PCDH1: variants seen among roughly 807,000 people sequenced by gnomAD.
PCDH1 encodes the protein protocadherin-1.
Under a neutral mutation model 74.6 loss-of-function variants are expected in PCDH1, and 23 were observed. The ratio of observed to expected loss-of-function variants is 0.31; its 90% confidence interval spans 0.22 to 0.44. The LOEUF (loss-of-function observed/expected upper bound fraction) is 0.44. Ranked by LOEUF, PCDH1 falls within the 20% of genes least tolerant of loss-of-function variation. The probability of loss-of-function intolerance (pLI) is 1.00; values close to 1 mark genes in which losing one functional copy is unlikely to be tolerated. For synonymous variants in PCDH1, 647 were observed against 686.1 expected (o/e 0.94, Z 0.89); for missense variants, 1,214 against 1,641.4 (o/e 0.74, Z 4.50).
At chr5:141,860,308 T>A (rs1356829062) in intron 3 of PCDH1, among the ~76,000 whole-genome samples, 1 of 149,608 alleles carries the variant, frequency 6.7e-6, no homozygotes, top group Non-Finnish European at 1.5e-5. Context: ...AGCCCAGGAG[T>A]TGAGACCAGC....
chr5:141,869,101 T>C lies in PCDH1; in HGVS notation c.371A>G (p.Gln124Arg). 2 of 1,613,542 alleles carry C rather than the reference T, an allele frequency of 1.2e-6. No homozygotes were observed. The highest frequency in any genetic ancestry group is 2.7e-5 in the African/African-American group (2 of 74,768). ...SIDREGLREC[Q>R]NQLPGDPCIL... is the part of the protein sequence containing the mutation. ...GCAGGGATCACCAGGGAGCTGGTTC[T>C]GGCATTCACGGAGCCCCTCACGGTC... Residue 124 changes from glutamine to arginine, a missense_variant, in exon 2 of 5, where the codon CAG becomes CGG. By Grantham distance (43) the Gln-to-Arg change is conservative. Transcript: ENST00000287008. The surrounding 1 kb of genome is among the most constrained non-coding windows in gnomAD (Gnocchi z 4.9).
In PCDH1 at chr5:141,873,603, T is replaced by C. The variant is rs373860089; in HGVS notation, c.41-4172A>G. On this transcript the variant is annotated intron_variant, in intron 1 of 4. Coordinates refer to ENST00000287008, the MANE Select transcript of PCDH1 (RefSeq NM_032420.5). ...CTGGGACTACAGGCGCCCGCCACCA[T>C]GCCCAGCTAATTTTTTTTTTTTTTT... Among the ~76,000 whole-genome samples the C allele has an allele frequency of 9.1e-3, 1,337 of 147,372 alleles. 27 individuals are homozygous for C. Among genetic ancestry groups the C allele is most frequent in the African/African-American group, 0.032 (1,277 of 39,708 alleles).
chr5:141,864,984 G>A lies in PCDH1; in HGVS notation c.1347C>T (p.Gly449=). 1 of 1,614,086 alleles carries A rather than the reference G, an allele frequency of 6.2e-7. No homozygotes were observed. Among genetic ancestry groups the A allele is most frequent in the Non-Finnish European group, 8.5e-7 (1 of 1,180,026 alleles). The change falls in exon 3 of 5, where the codon GGC becomes GGT. Residue 449 remains glycine (G), a synonymous_variant. Coordinates refer to ENST00000287008, the MANE Select transcript of PCDH1 (RefSeq NM_032420.5). This position sits in a 1 kb window ranked among gnomAD's most constrained non-coding sequence, Gnocchi z 5.9. ...GGAAATACTTCTTCTTGCTGTCACT[G>A]CCTGTCTCACTGGCCTGGCGCAGCT... ...PFQLRQASET[G]SDSKKKYFLQ...
rs139394964 is a variant in PCDH1, at chr5:141,874,944, C to A, written c.40+3279G>T. ...AGCTCCTCTCCCCTCTCTCCCACAA[C>A]CCTCTATTAGCCTCTGCAGGGCTTC... On this transcript the variant is annotated intron_variant, in intron 1 of 4. Coordinates refer to ENST00000287008, the MANE Select transcript of PCDH1 (RefSeq NM_032420.5). Among the ~76,000 whole-genome samples, 338 of 152,228 alleles carry A rather than the reference C, an allele frequency of 2.2e-3. 3 individuals are homozygous for A. Among genetic ancestry groups the A allele is most frequent in the African/African-American group, 7.7e-3 (318 of 41,532 alleles).
rs1752213190 is a variant in PCDH1 at position 141,853,877 on chromosome 5, C to A, written c.*165G>T. 3.8e-6 allele frequency: 2 copies of A among 530,924 alleles called. No individual in the cohort carries two copies. Among genetic ancestry groups the A allele is most frequent in the East Asian group, 6.1e-5 (2 of 33,044 alleles). The allele number at this position is 530,924 out of a possible 1,614,324, so 32.9% of individuals were successfully genotyped here. ...GGAAATGAGGGGAGAGGACCTGGACCCTGCATGGGAGAAGGGCCAGCGTGG... is the reference window on the plus strand; with the variant it reads ...GGAAATGAGGGGAGAGGACCTGGACACTGCATGGGAGAAGGGCCAGCGTGG... On this transcript the variant is annotated 3_prime_UTR_variant, in exon 5 of 5. Coordinates refer to ENST00000287008, the MANE Select transcript of PCDH1 (RefSeq NM_032420.5).
At chr5:141,862,472 G>C (rs1238428671) in intron 3 of PCDH1, among the ~76,000 whole-genome samples, 1 of 152,094 alleles carries the variant, frequency 6.6e-6, no homozygotes, top group Non-Finnish European at 1.5e-5. Context: ...CGTGGATAGG[G>C]ACATGGGGGT....
intron 3 of PCDH1, among the ~76,000 whole-genome samples, chr5:141,857,713 G>A (rs371967507): frequency 1.4e-4 from 22 of 152,148 alleles, no homozygotes; most frequent in African/African-American, 5.1e-4. Flanking sequence ...CCAATACAGC[G>A]CAGGCCCCAG....
At chr5:141,856,949 G>A (rs1752372099) in intron 4 of PCDH1, among the ~76,000 whole-genome samples, 1 of 152,122 alleles carries the variant, frequency 6.6e-6, no homozygotes. Context: ...AACAGCTTTG[G>A]AGTCAGAGAA....
chr5:141,865,755 A>G lies in PCDH1; in HGVS notation c.904-328T>C, dbSNP rs1375469553. Among the ~76,000 whole-genome samples the G allele has an allele frequency of 6.6e-6, 1 of 152,236 alleles. No homozygotes were observed. The highest frequency in any genetic ancestry group is 2.4e-5 in the African/African-American group (1 of 41,470). ...GGGTCCACAAAAATACCAGGAGAGG[A>G]TGAGGATCCAATAGAACTAGGGAAG... On this transcript the variant is annotated intron_variant, in intron 2 of 4. Transcript: ENST00000287008. This position sits in a 1 kb window ranked among gnomAD's most constrained non-coding sequence, Gnocchi z 4.4.
intron 3 of PCDH1, among the ~76,000 whole-genome samples, chr5:141,862,385 C>G (rs1454307035): frequency 1.3e-5 from 2 of 152,068 alleles, no homozygotes. Context: ...AGGAAGAAAG[C>G]CCTATAGACA....
intron 4 of PCDH1, among the ~76,000 whole-genome samples, chr5:141,855,482 C>T (rs893288008): frequency 2.6e-5 from 4 of 152,140 alleles, no homozygotes; most frequent in Admixed American, 2.0e-4. Flanking sequence ...AACTCTCTCT[C>T]TCTCTCCCTC....
chr5:141,876,007 T>C (rs1219356580), intron 1 of PCDH1, among the ~76,000 whole-genome samples: 4 of 152,128 alleles, frequency 2.6e-5, no homozygotes, highest in South Asian at 2.1e-4. Flanking sequence ...CCTCGCGGCG[T>C]CTTCCTGCAC....
intron 1 of PCDH1, among the ~76,000 whole-genome samples, chr5:141,871,944 C>G (rs1052677426): frequency 2.0e-5 from 3 of 152,208 alleles, no homozygotes; most frequent in African/African-American, 7.2e-5. Flanking sequence ...ATAGTAGACT[C>G]TCAGCAAATG....
intron 1 of PCDH1, among the ~76,000 whole-genome samples, chr5:141,874,042 G>T (rs1231752423): frequency 6.6e-6 from 1 of 152,218 alleles, no homozygotes; most frequent in African/African-American, 2.4e-5. Flanking sequence ...CTGGGGGAAA[G>T]AAACAGAAAT....
Position 141,864,647 on chromosome 5 carries a change from C to T in PCDH1, c.1684G>A (p.Gly562Arg). Residue 562 changes from glycine (G) to arginine (R), a missense_variant, in exon 3 of 5, where the codon GGA becomes AGA. Around this residue, in one of 4 missense-constraint regions of PCDH1, gnomAD observed 836 missense variants for 1,182.2 expected, o/e 0.71. Transcript: ENST00000287008. This position sits in a 1 kb window ranked among gnomAD's most constrained non-coding sequence, Gnocchi z 5.9. ...AGAGATGTCTTCACCTGGATCTCTC[C>T]AGTCTCGGGTGAGATGGTGAAGAGG... is the stretch of plus-strand genomic sequence containing the variant. ...KGLFTISPET[G>R]EIQVKTSLDR... 1 of 1,613,810 alleles carries T rather than the reference C, an allele frequency of 6.2e-7. No individual in the cohort carries two copies. Among genetic ancestry groups the T allele is most frequent in the Non-Finnish European group, 8.5e-7 (1 of 1,180,018 alleles).
At position 141,869,573 on chromosome 5, in the gene PCDH1, C is replaced by G; in HGVS notation, c.41-142G>C. 1 of 1,535,634 alleles carries G rather than the reference C, an allele frequency of 6.5e-7. No homozygotes were observed. ...AGCAGTCAGTCCCAGCACAGAACCC[C>G]GATTCCAGAAACTCAGATCCCTGAA... On this transcript the variant is annotated intron_variant, in intron 1 of 4. Transcript: ENST00000287008. The surrounding 1 kb of genome is among the most constrained non-coding windows in gnomAD (Gnocchi z 4.9).
intron 3 of PCDH1, among the ~76,000 whole-genome samples, chr5:141,858,926 G>T (rs1270028510): frequency 1.3e-5 from 2 of 152,110 alleles, no homozygotes; most frequent in Non-Finnish European, 1.5e-5. Flanking sequence ...GGGTGGAAGA[G>T]GCTGTCAGGA....
At chr5:141,873,409 A>C (rs1240892463) in intron 1 of PCDH1, among the ~76,000 whole-genome samples, 1 of 146,666 alleles carries the variant, frequency 6.8e-6, no homozygotes, top group African/African-American at 2.5e-5. Flanking sequence ...AAGTGCTAGG[A>C]TTACAGGCGT....
chr5:141,872,872 A>C (rs1753127606), intron 1 of PCDH1, among the ~76,000 whole-genome samples: 1 of 152,190 alleles, frequency 6.6e-6, no homozygotes, highest in Non-Finnish European at 1.5e-5. Context: ...GGTCCCAGAA[A>C]GTAGGAGGAA....
Sources: gnomAD v4.1 joint callset for allele counts (sites outside exome capture counted in the v4.1 genomes callset) on GRCh38, gnomAD v4.1.1 for gene constraint, gnomAD v4.1.1 regional missense constraint, Gnocchi (gnomAD v3.1) non-coding constraint, MANE v1.5 for transcripts, NCBI Gene and HGNC (gene_info 2026-07-23, HGNC 2026-07-21) for gene names.